Variants in CADM1 observed in about 807,000 individuals in gnomAD.
CADM1 encodes the protein cell adhesion molecule 1.
A neutral mutation model predicts 53.1 loss-of-function variants in CADM1; 15 were observed. The ratio of observed to expected loss-of-function variants is 0.28; its 90% CI spans 0.19 to 0.44. The LOEUF is 0.44. CADM1 is among the 20% of genes least tolerant of loss of function. The pLI, the probability that CADM1 is intolerant of heterozygous loss-of-function variation, is 1.00. For synonymous variants in CADM1, 281 were observed against 243.0 expected (o/e 1.16, Z -1.45); for missense variants, 434 against 611.3 (o/e 0.71, Z 3.06).
At chr11:115,247,039 A>T (rs904977360) in intron 1 of CADM1, among the ~76,000 whole-genome samples, 3 of 152,190 alleles carry the variant, frequency 2.0e-5, no homozygotes, top group African/African-American at 7.2e-5. Context: ...AATATTCTGT[A>T]TACACGTTCT....
intron 1 of CADM1, among the ~76,000 whole-genome samples, chr11:115,429,817 T>C (rs1018403456): frequency 6.6e-6 from 1 of 152,136 alleles, no homozygotes; most frequent in Non-Finnish European, 1.5e-5. Context: ...GTAATAGTAG[T>C]GTCCAAAGCA....
chr11:115,258,087 C>T lies in CADM1; in HGVS notation c.125-17667G>A, dbSNP rs187549462. On this transcript the variant is annotated intron_variant, in intron 1 of 11. Transcript: ENST00000331581. ...CAGCAGGGCTCTTCCACAGACTAAC[C>T]GGATAAACTTGGGAAGGTTACTTAA... 3.5e-4 allele frequency among the ~76,000 whole-genome samples: 53 copies of T among 152,330 alleles called. No homozygotes were observed. In the Middle Eastern group the frequency reaches 0.014, roughly 39 times the overall value.
chr11:115,297,948 T>C (rs539675422), intron 1 of CADM1, among the ~76,000 whole-genome samples: 24 of 152,348 alleles, frequency 1.6e-4, no homozygotes, highest in African/African-American at 5.0e-4. Context: ...CTGCACTGCA[T>C]GGTCCCTTAG....
intron 1 of CADM1, among the ~76,000 whole-genome samples, chr11:115,363,294 C>T (rs893507476): frequency 6.6e-6 from 1 of 151,020 alleles, no homozygotes; most frequent in Admixed American, 6.6e-5. Context: ...GTTTTTCTGA[C>T]AGTTGGCTGC....
At chr11:115,241,459 A>G (rs1942226623) in intron 1 of CADM1, among the ~76,000 whole-genome samples, 1 of 152,212 alleles carries the variant, frequency 6.6e-6, no homozygotes, top group African/African-American at 2.4e-5. Flanking sequence ...GTAATGGTCA[A>G]TTGGGAAGGG....
chr11:115,194,808 G>A (rs1026681777), intron 9 of CADM1, among the ~76,000 whole-genome samples: 1 of 152,126 alleles, frequency 6.6e-6, no homozygotes, highest in African/African-American at 2.4e-5. Context: ...TGGGGAGGAG[G>A]GTGGGGAAGG....
At chr11:115,180,724 C>T (rs758885797) in intron 10 of CADM1, among the ~76,000 whole-genome samples, 8 of 151,792 alleles carry the variant, frequency 5.3e-5, no homozygotes, top group East Asian at 1.9e-4. Context: ...TGGAGGAGAG[C>T]GCTTGACACA....
chr11:115,500,956 A>G (rs958502249), intron 1 of CADM1, among the ~76,000 whole-genome samples: 6 of 151,950 alleles, frequency 3.9e-5, no homozygotes, highest in Non-Finnish European at 8.8e-5. Flanking sequence ...TCCCTGTCCC[A>G]CTCCCCTTTA....
In CADM1 at chr11:115,370,337, A is replaced by C. The variant is rs1417051421; in HGVS notation, c.125-129917T>G. ...CTATAACTTGTGGCTGCTGATATAC[A>C]CCAAATGTTTGTATCCGCCCAAAAT... On this transcript the variant is annotated intron_variant, in intron 1 of 11. Transcript: ENST00000331581. Among the ~76,000 whole-genome samples the C allele has an allele frequency of 2.0e-5, 3 of 152,138 alleles. No homozygotes were observed. The East Asian group carries it at 5.8e-4, about 29-fold the overall frequency.
intron 1 of CADM1, among the ~76,000 whole-genome samples, chr11:115,366,600 G>A (rs1946164812): frequency 6.6e-6 from 1 of 152,140 alleles, no homozygotes; most frequent in Admixed American, 6.5e-5. Context: ...CCAAATCTGT[G>A]TGATGTAAAA....
rs1164897386 is a variant in CADM1, at chr11:115,174,881, C to T, written c.*1593G>A. On this transcript the variant is annotated 3_prime_UTR_variant, in exon 12 of 12. Transcript: ENST00000331581. The stretch of plus-strand genomic sequence containing the variant: ...CAGGACTACTTCTAGATTTCCTAGA[C>T]GTTTCAGTGAAAATCCCCACACTTC... 1.3e-5 allele frequency: 13 copies of T among 985,546 alleles called. No individual in the cohort carries two copies. Among genetic ancestry groups the T allele is most frequent in the African/African-American group, 1.7e-5 (1 of 57,178 alleles). The allele number at this position is 985,546 out of a possible 1,614,324, so 61.1% of individuals were successfully genotyped here.
intron 1 of CADM1, among the ~76,000 whole-genome samples, chr11:115,453,298 T>C (rs1948613918): frequency 6.6e-6 from 1 of 151,206 alleles, no homozygotes; most frequent in Non-Finnish European, 1.5e-5. Context: ...GCCTGGGAGC[T>C]CATGGCTGCA....
rs560835149 is a variant in CADM1 at position 115,344,720 on chromosome 11, T to C, written c.125-104300A>G. 4.1e-4 allele frequency among the ~76,000 whole-genome samples: 63 copies of C among 152,222 alleles called. 1 individual carries two copies. The South Asian group carries it at 6.2e-3, about 15-fold the overall frequency. On this transcript the variant is annotated intron_variant, in intron 1 of 11. Transcript: ENST00000331581. ...ACTCCTGACACTCTAATACAAACCA[T>C]TTCTCATACCCTGACTAGATTACTA... is the stretch of plus-strand genomic sequence containing the variant.
At chr11:115,474,621 TCTCA>T (rs1450239153) in intron 1 of CADM1, among the ~76,000 whole-genome samples, 1 of 140,964 alleles carries the variant, frequency 7.1e-6, no homozygotes, top group East Asian at 2.1e-4. Flanking sequence ...CACCGCATGC[TCTCA>T]CTCATAGAAG....
intron 1 of CADM1, among the ~76,000 whole-genome samples, chr11:115,387,642 T>C (rs994286558): frequency 1.3e-5 from 2 of 152,094 alleles, no homozygotes; most frequent in African/African-American, 4.8e-5. Flanking sequence ...AATGAACAAA[T>C]GTGTTAGGCA....
At chr11:115,214,947 T>C (rs968747156) in intron 6 of CADM1, among the ~76,000 whole-genome samples, 167 bp from the exon 7 acceptor site, 18 of 152,216 alleles carry the variant, frequency 1.2e-4, no homozygotes, top group African/African-American at 4.3e-4. Flanking sequence ...ATACAATTTT[T>C]TTCTTTTAAA....
chr11:115,192,205 G>A (rs879427020), intron 9 of CADM1, among the ~76,000 whole-genome samples: 42 of 152,196 alleles, frequency 2.8e-4, no homozygotes, highest in African/African-American at 4.1e-4. Context: ...GAAACCAAAC[G>A]AACATTGATA....
chr11:115,422,071 A>G (rs1440654365), intron 1 of CADM1, among the ~76,000 whole-genome samples: 2 of 152,238 alleles, frequency 1.3e-5, no homozygotes, highest in East Asian at 3.8e-4. Flanking sequence ...ATTAAAGGAC[A>G]TCTGAGCAAA....
At chr11:115,452,879 AG>A (rs1256295487) in intron 1 of CADM1, among the ~76,000 whole-genome samples, 4 of 152,288 alleles carry the variant, frequency 2.6e-5, no homozygotes, top group Middle Eastern at 3.4e-3. Context: ...TTAAGGAGAA[AG>A]GGTGGGAGTG....
Sources: gnomAD v4.1 joint callset for allele counts (sites outside exome capture counted in the v4.1 genomes callset) on GRCh38, gnomAD v4.1.1 for gene constraint, MANE v1.5 for transcripts, NCBI Gene and HGNC (gene_info 2026-07-23, HGNC 2026-07-21) for gene names.